Variants in APPL2 observed in about 807,000 individuals in gnomAD.
The protein encoded by APPL2 is adaptor protein, phosphotyrosine interacting with PH domain and leucine zipper 2.
A neutral mutation model predicts 92.7 loss-of-function variants in APPL2; 84 were observed. That is an observed-to-expected ratio of 0.91 (90% CI 0.76 to 1.09). The LOEUF (loss-of-function observed/expected upper bound fraction) is 1.09, where lower values mean the gene tolerates loss of function less well. Ranked by LOEUF, APPL2 falls within the 50% of genes least tolerant of loss-of-function variation. APPL2 has a pLI of 0.00. For missense variants in APPL2, 736 were observed against 824.5 expected, an observed-to-expected ratio of 0.89 and a Z score of 1.31; for synonymous variants, 291 against 291.0, an observed-to-expected ratio of 1.00 and a Z score of 0.00.
chr12:105,224,076 C>T (rs917765836), intron 2 of APPL2, among the ~76,000 whole-genome samples: 1 of 152,190 alleles, frequency 6.6e-6, no homozygotes, highest in East Asian at 1.9e-4. Context: ...AAGCAATCAA[C>T]AGCTTTTAGA....
At chr12:105,227,024 G>A (rs1277008609) in intron 2 of APPL2, among the ~76,000 whole-genome samples, 1 of 152,070 alleles carries the variant, frequency 6.6e-6, no homozygotes, top group Admixed American at 6.5e-5. Context: ...AGGAGGCTGA[G>A]GCAGGAGGAT....
At chr12:105,228,151 T>C (rs1172280732) in intron 2 of APPL2, among the ~76,000 whole-genome samples, 1 of 152,218 alleles carries the variant, frequency 6.6e-6, no homozygotes, top group East Asian at 1.9e-4. Flanking sequence ...GAAATGACTA[T>C]ATATATTAGT....
At position 105,197,821 on chromosome 12, in the gene APPL2, G is replaced by T. The variant is rs1409974970; in HGVS notation, c.996C>A (p.Ala332=). The T allele has an allele frequency of 1.2e-6, 2 of 1,614,150 alleles. No individual in the cohort carries two copies. The highest frequency in any genetic ancestry group is 1.7e-6 in the Non-Finnish European group (2 of 1,180,038). Residue 332 remains alanine, a synonymous_variant, in exon 11 of 21, where the codon GCC becomes GCA. Coordinates refer to ENST00000258530, the MANE Select transcript of APPL2 (RefSeq NM_018171.5). The stretch of plus-strand genomic sequence containing the variant: ...AGTAGCGCCGGTCTTCGCAATCCAC[G>T]GCCATCACTGAGCAGTTGTCCAGGT... ...IQDLDNCSVM[A]VDCEDRRYCF... is the part of the protein sequence containing the mutation.
intron 3 of APPL2, 27 bp downstream of exon 3, chr12:105,217,639 T>A (rs1227830297): frequency 6.2e-7 from 1 of 1,611,958 alleles, no homozygotes; most frequent in Non-Finnish European, 8.5e-7. Flanking sequence ...CACAGCAGCA[T>A]CACAGGCCAC....
intron 7 of APPL2, 96 bp downstream of exon 7, chr12:105,207,875 T>A (rs1161365834): frequency 5.4e-6 from 6 of 1,115,172 alleles, no homozygotes; most frequent in African/African-American, 4.8e-5. Context: ...AAAAAAAAAA[T>A]AACCACGCAC....
At chr12:105,208,310 T>C in intron 5 of APPL2, 111 bp from the exon 6 acceptor site, 1 of 1,307,470 alleles carries the variant, frequency 7.6e-7, no homozygotes, top group Non-Finnish European at 1.1e-6. Context: ...GGGAAGCCCC[T>C]GCACCCTCAG....
chr12:105,182,148 C>T (rs1566050770), intron 17 of APPL2, among the ~76,000 whole-genome samples: 2 of 152,198 alleles, frequency 1.3e-5, no homozygotes, highest in Non-Finnish European at 2.9e-5. Flanking sequence ...GCTCCAGCCT[C>T]TCCAGTAGCT....
intron 1 of APPL2, chr12:105,229,572 G>A (rs761081266): frequency 2.6e-5 from 26 of 1,010,568 alleles, no homozygotes; most frequent in Non-Finnish European, 3.1e-5. Context: ...TGTTTAAAAG[G>A]GCAGCCTCTC....
chr12:105,175,219 G>A (rs1054796591), intron 20 of APPL2, among the ~76,000 whole-genome samples: 13 of 152,172 alleles, frequency 8.5e-5, no homozygotes, highest in Non-Finnish European at 2.9e-5. Context: ...TGAATCTGTT[G>A]CAAGGGAGAT....
chr12:105,183,751 C>T (rs111475582), intron 17 of APPL2, among the ~76,000 whole-genome samples: 6 of 152,040 alleles, frequency 3.9e-5, no homozygotes, highest in East Asian at 1.9e-4. Context: ...TTGCTCTTCT[C>T]GAGGAGTATC....
At chr12:105,229,657 GT>G (rs1406288592) in intron 1 of APPL2, 3 of 989,660 alleles carry the variant, frequency 3.0e-6, no homozygotes, top group East Asian at 2.2e-4. Context: ...CACAGCTGTA[GT>G]GTGATCATCC....
chr12:105,176,914 TCA>T lies in APPL2; in HGVS notation c.1772_1773del (p.Leu591GlnfsTer6), dbSNP rs1491059166. ...GAGTTGCTTTCAAAAATGTATGTAC[TCA>T]GAGATTCTTCTCCAGTGGATTCAGG... ...RVPESTGEES[L>X]STYIFESNSE... On this transcript the variant is annotated frameshift_variant, in exon 19 of 21. Transcript: ENST00000258530. LOFTEE classifies it high-confidence loss of function. 1 of 1,614,024 alleles carries T rather than the reference TCA, an allele frequency of 6.2e-7. No homozygotes were observed. The highest frequency in any genetic ancestry group is 1.3e-5 in the African/African-American group (1 of 74,928).
At position 105,177,265 on chromosome 12, in the gene APPL2, G is replaced by C; in HGVS notation, c.1635-3C>G. 1.2e-6 allele frequency: 2 copies of C among 1,613,262 alleles called. No homozygotes were observed. Among genetic ancestry groups the C allele is most frequent in the Non-Finnish European group, 1.7e-6 (2 of 1,179,256 alleles). On this transcript the variant is annotated splice_region_variant and splice_polypyrimidine_tract_variant and intron_variant, in intron 17 of 20. Coordinates refer to ENST00000258530, the MANE Select transcript of APPL2 (RefSeq NM_018171.5). ...CTTGAGTCTGTGGATCTATCAACCT[G>C]AAATTTTAAAAGATACATTATGTCA... is the stretch of plus-strand genomic sequence containing the variant.
intron 1 of APPL2, among the ~76,000 whole-genome samples, chr12:105,231,415 G>C (rs1890910702): frequency 6.6e-6 from 1 of 152,232 alleles, no homozygotes; most frequent in Non-Finnish European, 1.5e-5. Context: ...CTAAACATAT[G>C]TGACTTCATT....
At chr12:105,208,537 G>T (rs1206394486) in intron 5 of APPL2, among the ~76,000 whole-genome samples, 1 of 152,202 alleles carries the variant, frequency 6.6e-6, no homozygotes, top group Admixed American at 6.5e-5. Context: ...ATAAACTTAA[G>T]TTCTGATGCC....
At position 105,174,580 on chromosome 12, in the gene APPL2, C is replaced by T. The variant is rs1885306803; in HGVS notation, c.1861-132G>A. On this transcript the variant is annotated intron_variant, in intron 20 of 20. Coordinates refer to ENST00000258530, the MANE Select transcript of APPL2 (RefSeq NM_018171.5). Reference sequence around the variant, plus strand: ...GACTCTTGTGTATATGTGCCTTCCGCTGAGTCTCCTTGCTTCTCAAACTCA... The same window carrying T: ...GACTCTTGTGTATATGTGCCTTCCGTTGAGTCTCCTTGCTTCTCAAACTCA... 9 of 890,358 alleles carry T rather than the reference C, an allele frequency of 1.0e-5. No homozygotes were observed. In the East Asian group the frequency reaches 2.4e-4, roughly 24 times the overall value. 55.2% of individuals were successfully genotyped at this position (890,358 alleles called of 1,614,324 possible).
rs996387073 is a variant in APPL2, at chr12:105,174,428, T to C, written c.1881A>G (p.Gln627=). The change falls in exon 21 of 21, where the codon CAA becomes CAG. Residue 627 remains glutamine, a synonymous_variant. Coordinates refer to ENST00000258530, the MANE Select transcript of APPL2 (RefSeq NM_018171.5). ...TGGTTAGTGGTATGGACAGCATTAA[T>C]TGAGCCAGTGCTTCTGGATCCTGAA... The part of the protein sequence containing the change: ...EVQKDPEALA[Q]LMLSIPLTND... 1.4e-5 allele frequency: 22 copies of C among 1,613,284 alleles called. No homozygotes were observed. Among genetic ancestry groups the C allele is most frequent in the African/African-American group, 2.7e-5 (2 of 74,862 alleles).
At chr12:105,176,826 T>A in intron 19 of APPL2, 50 bp downstream of exon 19, 1 of 1,582,908 alleles carries the variant, frequency 6.3e-7, no homozygotes, top group East Asian at 2.2e-5. Flanking sequence ...TCTTTTAAAA[T>A]GGACTTGTTT....
intron 1 of APPL2, among the ~76,000 whole-genome samples, chr12:105,234,535 GACA>G (rs749132029): frequency 6.6e-6 from 1 of 152,204 alleles, no homozygotes; most frequent in East Asian, 1.9e-4. Context: ...TGTTTGTGAG[GACA>G]ACATCAAGAA....
Sources: gnomAD v4.1 joint callset for allele counts (sites outside exome capture counted in the v4.1 genomes callset) on GRCh38, gnomAD v4.1.1 for gene constraint, MANE v1.5 for transcripts, NCBI Gene and HGNC (gene_info 2026-07-23, HGNC 2026-07-21) for gene names.